Variants in CLCN3 observed in about 807,000 individuals in gnomAD.
The protein encoded by CLCN3 is H(+)/Cl(-) exchange transporter 3.
Under a neutral mutation model 83.4 loss-of-function variants are expected in CLCN3, and 16 were observed. The ratio of observed to expected loss-of-function variants is 0.19; its 90% confidence interval spans 0.13 to 0.29. The LOEUF is 0.29. Among genes scored for constraint, CLCN3 ranks in the 10% least tolerant of loss-of-function variants. The pLI, the probability that CLCN3 is intolerant of heterozygous loss-of-function variation, is 1.00. For synonymous variants in CLCN3, 322 were observed against 346.2 expected, an observed-to-expected ratio of 0.93 and a Z score of 0.78; for missense variants, 544 against 1,006.0, an observed-to-expected ratio of 0.54 and a Z score of 6.21.
intron 2 of CLCN3, among the ~76,000 whole-genome samples, chr4:169,666,640 C>T (rs573306950): frequency 6.6e-6 from 1 of 152,252 alleles, no homozygotes; most frequent in Non-Finnish European, 1.5e-5. Flanking sequence ...GAAGGCATCA[C>T]GTAATAGTTC....
At chr4:169,641,320 T>A (rs1217025450) in intron 2 of CLCN3, among the ~76,000 whole-genome samples, 1 of 152,154 alleles carries the variant, frequency 6.6e-6, no homozygotes, top group Non-Finnish European at 1.5e-5. Flanking sequence ...GGTTTTCTGA[T>A]TTATTGGGAA....
chr4:169,705,165 A>C (rs1732943365), intron 10 of CLCN3, among the ~76,000 whole-genome samples: 1 of 152,232 alleles, frequency 6.6e-6, no homozygotes, highest in Admixed American at 6.5e-5. Context: ...GTAGAACATG[A>C]GCTTTATTTA....
chr4:169,623,483 T>TC (rs1288366420), intron 1 of CLCN3, among the ~76,000 whole-genome samples: 1 of 152,240 alleles, frequency 6.6e-6, no homozygotes, highest in African/African-American at 2.4e-5. Context: ...AATTAACACG[T>TC]CCATCATATC....
chr4:169,620,719 G>C lies in CLCN3; in HGVS notation c.-361G>C, dbSNP rs1225640161. The C allele has an allele frequency of 2.3e-5, 9 of 398,662 alleles. No homozygotes were observed. The highest frequency in any genetic ancestry group is 1.3e-4 in the South Asian group (1 of 7,842). 24.7% of individuals were successfully genotyped at this position (398,662 alleles called of 1,614,324 possible). A position where few individuals can be genotyped will look rare whatever the true frequency, so the allele number is the denominator to read the frequency against. The stretch of plus-strand genomic sequence containing the variant: ...GCCATCCTACTTTACTCCCGAGTTA[G>C]AGCATGGATTCAGTTTTAGTCTTAA... On this transcript the variant is annotated 5_prime_UTR_variant, in exon 1 of 13. Coordinates refer to ENST00000513761, the MANE Select transcript of CLCN3 (RefSeq NM_001829.4).
At chr4:169,649,518 T>G (rs1730674348) in intron 2 of CLCN3, among the ~76,000 whole-genome samples, 1 of 152,194 alleles carries the variant, frequency 6.6e-6, no homozygotes, top group Non-Finnish European at 1.5e-5. Flanking sequence ...AGTAGAGAGA[T>G]TCAAAATAGA....
intron 1 of CLCN3, among the ~76,000 whole-genome samples, chr4:169,624,770 A>G (rs1773190845): frequency 6.6e-6 from 1 of 152,194 alleles, no homozygotes; most frequent in Non-Finnish European, 1.5e-5. Context: ...TGAATAAGTT[A>G]TGTTGAAATT....
At chr4:169,686,333 A>G (rs1438754983) in intron 3 of CLCN3, among the ~76,000 whole-genome samples, 1 of 152,112 alleles carries the variant, frequency 6.6e-6, no homozygotes, top group Non-Finnish European at 1.5e-5. Context: ...AATAAAAAAA[A>G]AAAAAGAAAT....
Position 169,632,980 on chromosome 4 carries a change from A to G in CLCN3, c.-16-2933A>G, listed in dbSNP as rs139255064. Among the ~76,000 whole-genome samples the G allele has an allele frequency of 2.6e-5, 4 of 152,224 alleles. No homozygotes were observed. In the South Asian group the frequency reaches 6.2e-4, roughly 24 times the overall value. ...GAATTTATTAGGTAAACGAGGCCTT[A>G]TTACTGGAAGTTTTCATAGTTTATC... is the stretch of plus-strand genomic sequence containing the variant. On this transcript the variant is annotated intron_variant, in intron 1 of 12. Transcript: ENST00000513761.
At chr4:169,625,341 C>T (rs945650825) in intron 1 of CLCN3, among the ~76,000 whole-genome samples, 1 of 152,094 alleles carries the variant, frequency 6.6e-6, no homozygotes, top group African/African-American at 2.4e-5. Context: ...AGATGTGGTC[C>T]TCAGCTGTAC....
rs184411288 is a variant in CLCN3 at position 169,622,050 on chromosome 4, A to G, written c.-17+987A>G. On this transcript the variant is annotated intron_variant, in intron 1 of 12. Transcript: ENST00000513761. Reference sequence around the variant, plus strand: ...CGTATATGGCCTCTGGTTAATACAGACAGCCACTGTTGGCAGAATTCATCA... The same window carrying G: ...CGTATATGGCCTCTGGTTAATACAGGCAGCCACTGTTGGCAGAATTCATCA... 3.7e-3 allele frequency among the ~76,000 whole-genome samples: 570 copies of G among 152,340 alleles called. 6 individuals carry two copies. Among genetic ancestry groups the G allele is most frequent in the African/African-American group, 0.012 (512 of 41,574 alleles).
intron 9 of CLCN3, among the ~76,000 whole-genome samples, chr4:169,698,216 G>A (rs1732642439): frequency 6.6e-6 from 1 of 152,132 alleles, no homozygotes; most frequent in Admixed American, 6.5e-5. Flanking sequence ...ATCACCTCAA[G>A]CATTTATCCC....
intron 11 of CLCN3, among the ~76,000 whole-genome samples, chr4:169,711,159 A>C (rs970159074): frequency 2.0e-5 from 3 of 152,306 alleles, no homozygotes; most frequent in African/African-American, 7.2e-5. Context: ...TCCCCCGTCC[A>C]CATTTTATAC....
At chr4:169,672,931 G>A (rs1412505153) in intron 2 of CLCN3, among the ~76,000 whole-genome samples, 1 of 152,144 alleles carries the variant, frequency 6.6e-6, no homozygotes, top group African/African-American at 2.4e-5. Flanking sequence ...CCAAAGTGCT[G>A]GGATTACAAG....
chr4:169,625,023 C>T (rs946872353), intron 1 of CLCN3, among the ~76,000 whole-genome samples: 1 of 151,804 alleles, frequency 6.6e-6, no homozygotes, highest in African/African-American at 2.4e-5. Context: ...AACTCCTGAC[C>T]CAGGTGATCT....
chr4:169,717,672 T>C (rs1581294759), intron 12 of CLCN3: 2 of 559,270 alleles, frequency 3.6e-6, no homozygotes, highest in South Asian at 7.8e-5. Flanking sequence ...TTTTCTAAAG[T>C]TCATGAGACT....
chr4:169,695,555 T>A (rs1348873026), intron 7 of CLCN3, 57 bp from the exon 8 acceptor site: 10 of 1,267,978 alleles, frequency 7.9e-6, no homozygotes, highest in Non-Finnish European at 1.1e-5. Flanking sequence ...GAAGAATTTT[T>A]ATTTGGTATG....
chr4:169,692,038 C>T (rs1001165034), intron 6 of CLCN3, 76 bp from the exon 7 acceptor site: 2 of 1,005,570 alleles, frequency 2.0e-6, no homozygotes, highest in Non-Finnish European at 3.0e-6. Flanking sequence ...GTGCATAAAA[C>T]AAGAAAATAA....
intron 9 of CLCN3, 57 bp downstream of exon 9, chr4:169,697,791 G>A: frequency 8.8e-7 from 1 of 1,138,068 alleles, no homozygotes; most frequent in South Asian, 1.5e-5. Context: ...AAACTTATAT[G>A]TGGAATGAGA....
At chr4:169,664,306 A>G (rs1041585611) in intron 2 of CLCN3, among the ~76,000 whole-genome samples, 1 of 152,158 alleles carries the variant, frequency 6.6e-6, no homozygotes, top group African/African-American at 2.4e-5. Context: ...CTTGACATTC[A>G]TTAGCTCAGC....
Sources: gnomAD v4.1 joint callset for allele counts (sites outside exome capture counted in the v4.1 genomes callset) on GRCh38, gnomAD v4.1.1 for gene constraint, MANE v1.5 for transcripts, NCBI Gene and HGNC (gene_info 2026-07-23, HGNC 2026-07-21) for gene names.